Variants in HMCN1 observed in about 807,000 individuals in gnomAD.
The protein encoded by HMCN1 is hemicentin-1.
Under a neutral mutation model 625.9 loss-of-function variants are expected in HMCN1, and 321 were observed. The ratio of observed to expected loss-of-function variants is 0.51; its 90% CI spans 0.47 to 0.56. The LOEUF is 0.56. Ranked by LOEUF, HMCN1 falls within the 20% of genes least tolerant of loss-of-function variation. The probability of loss-of-function intolerance (pLI) is 0.00; values close to 1 mark genes in which losing one functional copy is unlikely to be tolerated. For synonymous variants in HMCN1, 2,425 were observed against 2,417.6 expected, an observed-to-expected ratio of 1.00 and a Z score of -0.09; for missense variants, 6,588 against 6,887.3, an observed-to-expected ratio of 0.96 and a Z score of 1.54.
rs1462103361 is a variant in HMCN1, at chr1:185,833,433, G to A, written c.269-12593G>A. Among the ~76,000 whole-genome samples, 6 of 152,222 alleles carry A rather than the reference G, an allele frequency of 3.9e-5. No individual in the cohort carries two copies. In the East Asian group the frequency reaches 9.6e-4, roughly 24 times the overall value. On this transcript the variant is annotated intron_variant, in intron 1 of 106. Coordinates refer to ENST00000271588, the MANE Select transcript of HMCN1 (RefSeq NM_031935.3). ...TTTAAATAGTCAACTTCAAGTACAG[G>A]GCATGATTAGCTAGCAGGGACTTAA...
At position 185,761,058 on chromosome 1, in the gene HMCN1, G is replaced by A. The variant is rs1214079119; in HGVS notation, c.268+26011G>A. 2.6e-5 allele frequency among the ~76,000 whole-genome samples: 4 copies of A among 152,046 alleles called. No individual in the cohort carries two copies. In the East Asian group the frequency reaches 7.7e-4, roughly 29 times the overall value. On this transcript the variant is annotated intron_variant, in intron 1 of 106. Transcript: ENST00000271588. ...AAAGTGGGTATGAGTTTAGGACAAGGAGCTGGGAAAAGTTTCCCCAAGCAG... is the reference window on the plus strand; with the variant it reads ...AAAGTGGGTATGAGTTTAGGACAAGAAGCTGGGAAAAGTTTCCCCAAGCAG...
intron 1 of HMCN1, among the ~76,000 whole-genome samples, chr1:185,755,857 A>C (rs1655100874): frequency 6.6e-6 from 1 of 152,206 alleles, no homozygotes; most frequent in African/African-American, 2.4e-5. Flanking sequence ...TTCTTTTCCC[A>C]GTGTTACGGC....
chr1:186,155,323 C>T (rs191314123), intron 97 of HMCN1, among the ~76,000 whole-genome samples: 4 of 152,254 alleles, frequency 2.6e-5, no homozygotes, highest in East Asian at 1.9e-4. Context: ...ATCTCCTCCA[C>T]GCACACCATT....
chr1:185,923,514 T>G lies in HMCN1; in HGVS notation c.1146T>G (p.His382Gln). 2 of 1,612,662 alleles carry G rather than the reference T, an allele frequency of 1.2e-6. No homozygotes were observed. The highest frequency in any genetic ancestry group is 8.5e-7 in the Non-Finnish European group (1 of 1,179,092). Residue 382 changes from histidine to glutamine, a missense_variant, in exon 8 of 107, where the codon CAT becomes CAG. Physicochemically the swap from His to Gln is conservative, Grantham distance 24. Coordinates refer to ENST00000271588, the MANE Select transcript of HMCN1 (RefSeq NM_031935.3). ...LKTIPVKYYPHRKPYGIWNIS... is the reference protein window; with the variant it reads ...LKTIPVKYYPQRKPYGIWNIS... ...CTATTCCTGTTAAATATTACCCACATCGAAAACCTTATGGCATATGGAATA... is the reference window on the plus strand; with the variant it reads ...CTATTCCTGTTAAATATTACCCACAGCGAAAACCTTATGGCATATGGAATA...
chr1:185,745,857 T>C (rs1021402977), intron 1 of HMCN1, among the ~76,000 whole-genome samples: 22 of 152,050 alleles, frequency 1.4e-4, no homozygotes, highest in African/African-American at 4.8e-4. Context: ...ATAAATGAGA[T>C]CATCCAAGGA....
At chr1:185,887,287 AAATGAAATTTATTTAT>A (rs1571503789) in intron 4 of HMCN1, among the ~76,000 whole-genome samples, 1 of 152,056 alleles carries the variant, frequency 6.6e-6, no homozygotes, top group East Asian at 1.9e-4. Flanking sequence ...AATAGCTCTT[AAATGAAATTTATTTAT>A]TTATTTATTT....
In HMCN1 at chr1:186,087,448, C is replaced by A; in HGVS notation, c.9166C>A (p.Pro3056Thr). 1 of 1,612,950 alleles carries A rather than the reference C, an allele frequency of 6.2e-7. No individual in the cohort carries two copies. Among genetic ancestry groups the A allele is most frequent in the East Asian group, 2.2e-5 (1 of 44,842 alleles). The change falls in exon 60 of 107, where the codon CCA (proline) becomes ACA (threonine). Residue 3056 changes from proline to threonine, a missense_variant. Coordinates refer to ENST00000271588, the MANE Select transcript of HMCN1 (RefSeq NM_031935.3). ...CTGTTATTTTCTTCCCTCAGTGCCC[C>A]CAAGCATTAAAGACCATGACAGTGA... is the stretch of plus-strand genomic sequence containing the variant. Reference protein sequence around the residue: ...KKFSLTVYVPPSIKDHDSESL... With the variant: ...KKFSLTVYVPTSIKDHDSESL...
intron 85 of HMCN1, 78 bp from the exon 86 acceptor site, chr1:186,132,250 A>G (rs1661977486): frequency 2.1e-6 from 2 of 967,770 alleles, no homozygotes; most frequent in Non-Finnish European, 3.3e-6. Context: ...TTTCAAATAA[A>G]CTAGCATCAT....
intron 11 of HMCN1, among the ~76,000 whole-genome samples, chr1:185,951,786 G>A (rs1288233993): frequency 6.6e-6 from 1 of 151,838 alleles, no homozygotes; most frequent in African/African-American, 2.4e-5. Flanking sequence ...AGGAGGTTCT[G>A]GAGGAACGCC....
chr1:186,157,133 A>G (rs1020769973), intron 97 of HMCN1, among the ~76,000 whole-genome samples: 1 of 152,212 alleles, frequency 6.6e-6, no homozygotes, highest in Non-Finnish European at 1.5e-5. Flanking sequence ...ATCAGTCTGT[A>G]TATCCTAAAT....
At chr1:185,933,409 G>A in intron 10 of HMCN1, 140 bp from the exon 11 acceptor site, 1 of 779,140 alleles carries the variant, frequency 1.3e-6, no homozygotes, top group Non-Finnish European at 2.2e-6. Flanking sequence ...ATAGACATAT[G>A]CATTAATTGA....
chr1:185,874,164 A>G (rs753705361), intron 4 of HMCN1, among the ~76,000 whole-genome samples: 12 of 152,012 alleles, frequency 7.9e-5, no homozygotes, highest in Non-Finnish European at 1.6e-4. Flanking sequence ...ATTTCTGTAT[A>G]TTATGAACCA....
At chr1:185,909,202 T>C (rs547325246) in intron 4 of HMCN1, 135 bp from the exon 5 acceptor site, 3 of 684,006 alleles carry the variant, frequency 4.4e-6, no homozygotes, top group African/African-American at 3.6e-5. Context: ...CTATCTTCAG[T>C]AATGACCGAA....
chr1:186,044,192 A>G (rs1656398343), intron 40 of HMCN1, among the ~76,000 whole-genome samples: 3 of 152,210 alleles, frequency 2.0e-5, no homozygotes, highest in Admixed American at 2.0e-4. Flanking sequence ...TTACACATTG[A>G]AAATAATGTC....
intron 11 of HMCN1, among the ~76,000 whole-genome samples, chr1:185,949,322 G>A (rs1350590112): frequency 6.6e-6 from 1 of 151,816 alleles, no homozygotes; most frequent in African/African-American, 2.4e-5. Context: ...CACAGTCTAA[G>A]TTGGTCTGGT....
chr1:185,814,247 C>T (rs1304339092), intron 1 of HMCN1, among the ~76,000 whole-genome samples: 1 of 152,118 alleles, frequency 6.6e-6, no homozygotes, highest in East Asian at 1.9e-4. Context: ...TGCTGATGGA[C>T]AATAGTCTCT....
chr1:186,052,059 C>G (rs142220924), intron 42 of HMCN1, among the ~76,000 whole-genome samples: 1 of 151,784 alleles, frequency 6.6e-6, no homozygotes, highest in East Asian at 1.9e-4. Context: ...AGAATGATGG[C>G]AGGGCTTAGT....
intron 11 of HMCN1, 47 bp from the exon 12 acceptor site, chr1:185,962,471 T>G: frequency 6.5e-7 from 1 of 1,544,618 alleles, no homozygotes; most frequent in Non-Finnish European, 9.0e-7. Context: ...GCTTCTAACA[T>G]CAAGATAAAT....
chr1:186,062,614 T>C lies in HMCN1; in HGVS notation c.7513+14T>C. ...GTGAAGTGACAGGTATGGGCTCAGC[T>C]CTCAGACTTTTGGTGCTCCCCCCAC... On this transcript the variant is annotated intron_variant, in intron 48 of 106. Coordinates refer to ENST00000271588, the MANE Select transcript of HMCN1 (RefSeq NM_031935.3). 1.3e-6 allele frequency: 2 copies of C among 1,579,444 alleles called. No individual in the cohort carries two copies. The highest frequency in any genetic ancestry group is 1.7e-6 in the Non-Finnish European group (2 of 1,148,854).
Sources: gnomAD v4.1 joint callset for allele counts (sites outside exome capture counted in the v4.1 genomes callset) on GRCh38, gnomAD v4.1.1 for gene constraint, MANE v1.5 for transcripts, NCBI Gene and HGNC (gene_info 2026-07-23, HGNC 2026-07-21) for gene names.